The following CD3D variants were observed in gnomAD, a reference collection of about 807,000 sequenced individuals.
The protein encoded by CD3D is T-cell surface glycoprotein CD3 delta chain.
Under a neutral mutation model 22.0 loss-of-function variants are expected in CD3D, and 22 were observed. The observed-to-expected ratio is 1.00, with a 90% CI of 0.71 to 1.43. CD3D has a LOEUF of 1.43. Ranked by LOEUF, CD3D falls within the 40% of genes most tolerant of loss-of-function variation. CD3D has a pLI of 0.00. For synonymous variants in CD3D, 74 were observed against 81.2 expected (o/e 0.91, Z 0.48); for missense variants, 205 against 211.7 (o/e 0.97, Z 0.20).
chr11:118,340,780 G>T, intron 1 of CD3D, 187 bp from the exon 2 acceptor site: 1 of 689,264 alleles, frequency 1.5e-6, no homozygotes, highest in Non-Finnish European at 2.7e-6. Context: ...CAGGGGTCAA[G>T]GGGGACATGA....
chr11:118,341,147 G>A (rs1233284719), intron 1 of CD3D, among the ~76,000 whole-genome samples: 1 of 152,194 alleles, frequency 6.6e-6, no homozygotes, highest in African/African-American at 2.4e-5. Flanking sequence ...GGCTGTGGGT[G>A]GAGACCAGCT....
intron 3 of CD3D, 113 bp from the exon 4 acceptor site, chr11:118,339,607 A>C: frequency 1.3e-6 from 2 of 1,564,864 alleles, no homozygotes; most frequent in Non-Finnish European, 8.8e-7. Context: ...TTCTTTCAAC[A>C]GTCAAAGTTC....
chr11:118,339,623 G>A lies in CD3D; in HGVS notation c.407-129C>T, dbSNP rs2134058984. 4.5e-6 allele frequency: 7 copies of A among 1,550,558 alleles called. No individual in the cohort carries two copies. In the South Asian group the frequency reaches 6.8e-5, roughly 15 times the overall value. On this transcript the variant is annotated intron_variant, in intron 3 of 4. Coordinates refer to ENST00000300692, the MANE Select transcript of CD3D (RefSeq NM_000732.6). ...TCTTTCAACAGTCAAAGTTCTAGGA[G>A]TCTTTAGGAGATTGCAAGAGTAACT...
chr11:118,340,069 C>T (rs1170021403), intron 2 of CD3D, among the ~76,000 whole-genome samples, 163 bp from the exon 3 acceptor site: 1 of 152,064 alleles, frequency 6.6e-6, no homozygotes, highest in Non-Finnish European at 1.5e-5. Flanking sequence ...CTTCCTCCAC[C>T]CTGCATCCTA....
In CD3D at chr11:118,342,655, C is replaced by G. The variant is rs1948311603; in HGVS notation, c.-48G>C. On this transcript the variant is annotated 5_prime_UTR_variant, in exon 1 of 5. Coordinates refer to ENST00000300692, the MANE Select transcript of CD3D (RefSeq NM_000732.6). ...AGATAAAGCCAGGTCACCGAACTATCAGCCTGGGTGAGAGCTGCCCTCCCC... is the reference window on the plus strand; with the variant it reads ...AGATAAAGCCAGGTCACCGAACTATGAGCCTGGGTGAGAGCTGCCCTCCCC... 1.9e-6 allele frequency: 3 copies of G among 1,555,786 alleles called. No homozygotes were observed. Among genetic ancestry groups the G allele is most frequent in the Admixed American group, 1.7e-5 (1 of 59,830 alleles).
rs547025780 is a variant in CD3D, at chr11:118,341,849, A to G, written c.55+704T>C. On this transcript the variant is annotated intron_variant, in intron 1 of 4. Transcript: ENST00000300692. ...AGTTAACTTCTCTTAAAGCATTCAC[A>G]TAAGTGCTAGGACATGCCTCCAGGG... 9.8e-5 allele frequency among the ~76,000 whole-genome samples: 15 copies of G among 152,364 alleles called. No homozygotes were observed. The South Asian group carries it at 2.5e-3, about 25-fold the overall frequency.
At chr11:118,340,079 A>G (rs1948286435) in intron 2 of CD3D, among the ~76,000 whole-genome samples, 173 bp from the exon 3 acceptor site, 4 of 152,086 alleles carry the variant, frequency 2.6e-5, no homozygotes, top group Admixed American at 2.0e-4. Flanking sequence ...CCTGCATCCT[A>G]AGGAATCCCT....
At position 118,340,499 on chromosome 11, in the gene CD3D, T is replaced by G. The variant is rs1315034603; in HGVS notation, c.150A>C (p.Thr50=). ...SITWVEGTVG[T]LLSDITRLDL... ...CCAGTCTTGTAATGTCTGAGAGCAG[T>G]GTTCCCACCGTTCCCTCTACCCATG... The change falls in exon 2 of 5, where the codon ACA becomes ACC. Residue 50 remains threonine, a synonymous_variant. Coordinates refer to ENST00000300692, the MANE Select transcript of CD3D (RefSeq NM_000732.6). 6.2e-7 allele frequency: 1 copy of G among 1,614,104 alleles called. No individual in the cohort carries two copies. Among genetic ancestry groups the G allele is most frequent in the Admixed American group, 1.7e-5 (1 of 60,022 alleles).
chr11:118,339,224 G>A lies in CD3D; in HGVS notation c.454C>T (p.Leu152Phe). 6.2e-7 allele frequency: 1 copy of A among 1,613,902 alleles called. No individual in the cohort carries two copies. The highest frequency in any genetic ancestry group is 8.5e-7 in the Non-Finnish European group (1 of 1,179,846). ...TACTGAGCATCATCTCGATCTCGGA[G>A]GGGCTAAGAGAGGAGAAGAGAAAAC... ...LLRNDQVYQP[L>F]RDRDDAQYSH... Residue 152 changes from leucine (L) to phenylalanine (F), a missense_variant, in exon 5 of 5, where the codon CTC (leucine) becomes TTC (phenylalanine). Coordinates refer to ENST00000300692, the MANE Select transcript of CD3D (RefSeq NM_000732.6).
chr11:118,339,039 C>T, downstream of CD3D: 1 of 875,408 alleles, frequency 1.1e-6, no homozygotes, highest in Non-Finnish European at 2.0e-6. Flanking sequence ...AACTCCCACG[C>T]CTTGCCCAGG....
chr11:118,339,697 T>C, intron 3 of CD3D, 78 bp downstream of exon 3: 1 of 1,576,186 alleles, frequency 6.3e-7, no homozygotes, highest in Non-Finnish European at 8.6e-7. Flanking sequence ...AGCTGGTGCA[T>C]AAGCTCACTG....
chr11:118,340,284 A>T, intron 2 of CD3D, 91 bp downstream of exon 2: 1 of 1,008,058 alleles, frequency 9.9e-7, no homozygotes, highest in South Asian at 1.3e-5. Context: ...TTTAGAGAAC[A>T]GATGGGTTCA....
intron 1 of CD3D, 115 bp from the exon 2 acceptor site, chr11:118,340,708 G>C (rs1295815391): frequency 1.3e-6 from 1 of 784,124 alleles, no homozygotes; most frequent in African/African-American, 1.7e-5. Context: ...GACAGTTTAT[G>C]GCTTCCATCA....
chr11:118,339,609 T>C, intron 3 of CD3D, 115 bp from the exon 4 acceptor site: 1 of 1,565,080 alleles, frequency 6.4e-7, no homozygotes. Flanking sequence ...CTTTCAACAG[T>C]CAAAGTTCTA....
chr11:118,342,439 G>A, intron 1 of CD3D, 114 bp downstream of exon 1: 1 of 927,760 alleles, frequency 1.1e-6, no homozygotes, highest in African/African-American at 1.6e-5. Context: ...CCAAAGCTCT[G>A]GGATTACTGG....
At chr11:118,342,167 G>A (rs1469940348) in intron 1 of CD3D, among the ~76,000 whole-genome samples, 8 of 147,684 alleles carry the variant, frequency 5.4e-5, no homozygotes, top group African/African-American at 1.7e-4. Flanking sequence ...AGCTAGCACC[G>A]AGAAGCACTT....
Position 118,340,585 on chromosome 11 carries a change from A to G in CD3D, c.64T>C (p.Phe22Leu), listed in dbSNP as rs563103670. The G allele has an allele frequency of 1.9e-6, 3 of 1,612,376 alleles. No homozygotes were observed. The African/African-American group carries it at 4.0e-5, about 22-fold the overall frequency. The stretch of plus-strand genomic sequence containing the variant: ...TCAAGTTCCTCTATAGGTATCTTGA[A>G]GGGGCTCACTAAAGGGGAAAAAATA... ...LATLLSQVSP[F>L]KIPIEELEDR... Residue 22 changes from phenylalanine to leucine, a missense_variant, in exon 2 of 5, where the codon TTC (phenylalanine) becomes CTC (leucine). Transcript: ENST00000300692.
At chr11:118,339,947 T>C in intron 2 of CD3D, 41 bp from the exon 3 acceptor site, 5 of 1,613,236 alleles carry the variant, frequency 3.1e-6, no homozygotes, top group Non-Finnish European at 3.4e-6. Flanking sequence ...TGAGAGCCTT[T>C]AAGATCAGGG....
In CD3D at chr11:118,339,496, T is replaced by C. The variant is rs1341165259; in HGVS notation, c.407-2A>G. 5 of 1,614,040 alleles carry C rather than the reference T, an allele frequency of 3.1e-6. No homozygotes were observed. The highest frequency in any genetic ancestry group is 4.2e-6 in the Non-Finnish European group (5 of 1,180,014). On this transcript the variant is annotated splice_acceptor_variant, in intron 3 of 4. Transcript: ENST00000300692. LOFTEE classifies it high-confidence loss of function. ...TCAACAGAGCTTGTGTGTCGGCAGC[T>C]AGAAGAACCAGAGAGAGACATCAAT...
Sources: allele counts gnomAD v4.1 joint callset (sites outside exome capture counted in the v4.1 genomes callset), GRCh38; gene constraint gnomAD v4.1.1; transcripts MANE v1.5; gene names NCBI Gene and HGNC (gene_info 2026-07-23, HGNC 2026-07-21).